FHIT: variants seen among roughly 807,000 people sequenced by gnomAD.
FHIT encodes the protein bis(5'-adenosyl)-triphosphatase.
A neutral mutation model predicts 17.9 loss-of-function variants in FHIT; 19 were observed. That is an observed-to-expected ratio of 1.06 (90% CI 0.74 to 1.56). The LOEUF (loss-of-function observed/expected upper bound fraction) is 1.56, where lower values mean the gene tolerates loss of function less well. Among genes scored for constraint, FHIT ranks in the 40% most tolerant of loss-of-function variants. FHIT has a pLI of 0.00. For missense variants in FHIT, 248 were observed against 189.2 expected, an observed-to-expected ratio of 1.31 and a Z score of -1.82; for synonymous variants, 81 against 69.7, an observed-to-expected ratio of 1.16 and a Z score of -0.81.
chr3:60,175,893 C>T (rs904951954), intron 5 of FHIT, among the ~76,000 whole-genome samples: 8 of 152,248 alleles, frequency 5.3e-5, no homozygotes, highest in Non-Finnish European at 1.0e-4. Flanking sequence ...TGAAGTAGCA[C>T]ACTCTAATAG....
chr3:60,612,772 C>T (rs782314964), intron 4 of FHIT, among the ~76,000 whole-genome samples: 1 of 152,152 alleles, frequency 6.6e-6, no homozygotes, highest in Non-Finnish European at 1.5e-5. Flanking sequence ...TAAACAAATG[C>T]ATGCCACACA....
intron 5 of FHIT, among the ~76,000 whole-genome samples, chr3:60,225,247 A>G (rs1308291837): frequency 6.6e-6 from 1 of 152,188 alleles, no homozygotes; most frequent in Non-Finnish European, 1.5e-5. Context: ...ACCTGATTAG[A>G]TACTTTATCC....
At chr3:59,970,992 G>A (rs933395755) in intron 7 of FHIT, among the ~76,000 whole-genome samples, 3 of 151,966 alleles carry the variant, frequency 2.0e-5, no homozygotes, top group African/African-American at 7.3e-5. Context: ...CAGAATATGT[G>A]TGGACTTGTC....
chr3:59,914,440 C>A (rs566411491), intron 8 of FHIT, among the ~76,000 whole-genome samples: 10 of 152,170 alleles, frequency 6.6e-5, no homozygotes, highest in Non-Finnish European at 1.3e-4. Flanking sequence ...CTTAGGATTC[C>A]TTCCTGCTGG....
intron 5 of FHIT, among the ~76,000 whole-genome samples, chr3:60,303,079 A>C (rs1044773881): frequency 4.6e-5 from 7 of 152,174 alleles, no homozygotes; most frequent in Non-Finnish European, 8.8e-5. Flanking sequence ...GGTACATTTT[A>C]AAAATATTGT....
chr3:60,172,464 T>G (rs1576247722), intron 5 of FHIT, among the ~76,000 whole-genome samples: 1 of 150,942 alleles, frequency 6.6e-6, no homozygotes, highest in African/African-American at 2.5e-5. Flanking sequence ...TTAGTAGACA[T>G]GGAGTTTCTC....
intron 4 of FHIT, among the ~76,000 whole-genome samples, chr3:60,602,566 G>T (rs2038480128): frequency 6.6e-6 from 1 of 151,954 alleles, no homozygotes; most frequent in African/African-American, 2.4e-5. Flanking sequence ...TAAATAAAAA[G>T]AAACAATCCT....
intron 4 of FHIT, among the ~76,000 whole-genome samples, chr3:60,691,887 T>C (rs1251381065): frequency 6.6e-6 from 1 of 152,198 alleles, no homozygotes; most frequent in African/African-American, 2.4e-5. Flanking sequence ...ACATATCATC[T>C]TGGGAGGTCA....
At chr3:60,599,680 A>T (rs1433386931) in intron 4 of FHIT, among the ~76,000 whole-genome samples, 2 of 52,766 alleles carry the variant, frequency 3.8e-5, no homozygotes, top group Non-Finnish European at 9.1e-5. Context: ...TAAAAAGGAC[A>T]AGTTAAAAAA....
rs1463860305 is a variant in FHIT at position 60,014,287 on chromosome 3, T to C, written c.104-135A>G. The C allele has an allele frequency of 5.1e-6, 4 of 782,996 alleles. No homozygotes were observed. In the South Asian group the frequency reaches 8.1e-5, roughly 16 times the overall value. 48.5% of individuals were successfully genotyped at this position (782,996 alleles called of 1,614,324 possible). A position where few individuals can be genotyped will look rare whatever the true frequency, so the allele number is the denominator to read the frequency against. On this transcript the variant is annotated intron_variant, in intron 5 of 9. Transcript: ENST00000492590. The stretch of plus-strand genomic sequence containing the variant: ...AGACTAAGGAATGAAGAAACAGATA[T>C]TTACCATCCACTGAACTCCAGAGAG...
intron 5 of FHIT, among the ~76,000 whole-genome samples, chr3:60,244,926 T>C (rs150255469): frequency 0.018 from 2,710 of 152,188 alleles, 84 homozygotes; most frequent in African/African-American, 0.063. Flanking sequence ...AACTGTATCA[T>C]AAAAAATGTA....
At chr3:61,195,242 C>T (rs2038822739) in intron 2 of FHIT, among the ~76,000 whole-genome samples, 1 of 151,822 alleles carries the variant, frequency 6.6e-6, no homozygotes, top group Non-Finnish European at 1.5e-5. Context: ...TTGTCTACTT[C>T]TATGGGACAT....
chr3:59,754,831 A>AAGTT (rs1701123132), intron 8 of FHIT, among the ~76,000 whole-genome samples: 1 of 152,180 alleles, frequency 6.6e-6, no homozygotes, highest in Non-Finnish European at 1.5e-5. Flanking sequence ...TAGCTTTTAA[A>AAGTT]AGTTATGAGA....
At chr3:60,360,262 C>T (rs1424498339) in intron 5 of FHIT, among the ~76,000 whole-genome samples, 1 of 151,702 alleles carries the variant, frequency 6.6e-6, no homozygotes, top group Admixed American at 6.6e-5. Context: ...GATGGAGTCT[C>T]ACTCTGAAAC....
chr3:60,461,124 A>G (rs2032435258), intron 5 of FHIT, among the ~76,000 whole-genome samples: 1 of 152,214 alleles, frequency 6.6e-6, no homozygotes, highest in South Asian at 2.1e-4. Flanking sequence ...TTTTTTCTTC[A>G]CACTGAAAAA....
intron 8 of FHIT, among the ~76,000 whole-genome samples, chr3:59,783,745 C>T (rs533990464): frequency 2.0e-5 from 3 of 152,272 alleles, no homozygotes; most frequent in South Asian, 2.1e-4. Flanking sequence ...CATCTCCACA[C>T]GTTGCCAAAT....
chr3:59,958,304 T>C (rs572801957), intron 7 of FHIT, among the ~76,000 whole-genome samples: 60 of 152,332 alleles, frequency 3.9e-4, no homozygotes, highest in African/African-American at 1.2e-3. Context: ...AGCATGTGTA[T>C]TGATTCTTTT....
intron 4 of FHIT, among the ~76,000 whole-genome samples, chr3:60,701,161 T>C (rs949050270): frequency 2.0e-5 from 3 of 151,198 alleles, no homozygotes; most frequent in Non-Finnish European, 1.5e-5. Context: ...TCTCCCTTTG[T>C]TGTCCAGGCT....
chr3:59,898,091 C>G (rs1023274581), intron 8 of FHIT, among the ~76,000 whole-genome samples: 1 of 151,882 alleles, frequency 6.6e-6, no homozygotes, highest in African/African-American at 2.4e-5. Flanking sequence ...TTTTGAGCAC[C>G]GACATGATGC....
Sources: gnomAD v4.1 joint callset for allele counts (sites outside exome capture counted in the v4.1 genomes callset) on GRCh38, gnomAD v4.1.1 for gene constraint, MANE v1.5 for transcripts, NCBI Gene and HGNC (gene_info 2026-07-23, HGNC 2026-07-21) for gene names.